Variants in RNF150 observed in about 807,000 individuals in gnomAD.
The protein encoded by RNF150 is ring finger protein 150.
Under a neutral mutation model 39.3 loss-of-function variants are expected in RNF150, and 24 were observed. The observed-to-expected ratio is 0.61, with a 90% confidence interval of 0.44 to 0.86. The LOEUF is 0.86. Among genes scored for constraint, RNF150 ranks in the 40% least tolerant of loss-of-function variants. RNF150 has a pLI of 0.00. For missense variants in RNF150, 502 were observed against 587.8 expected, an observed-to-expected ratio of 0.85 and a Z score of 1.51; for synonymous variants, 255 against 227.3, an observed-to-expected ratio of 1.12 and a Z score of -1.10.
Position 140,949,364 on chromosome 4 carries a change from C to A in RNF150, c.744G>T (p.Leu248=). 6.2e-7 allele frequency: 1 copy of A among 1,613,058 alleles called. No homozygotes were observed. Among genetic ancestry groups the A allele is most frequent in the South Asian group, 1.1e-5 (1 of 90,746 alleles). ...TGATGGCTTTCTTTGCTGCATCCCCCAGTCGGCGCTGAAAAGCCAAAACGT... is the reference window on the plus strand; with the variant it reads ...TGATGGCTTTCTTTGCTGCATCCCCAAGTCGGCGCTGAAAAGCCAAAACGT... The part of the protein sequence containing the change: ...ANARDRNQRR[L]GDAAKKAISK... The change falls in exon 3 of 7, where the codon CTG becomes CTT. Residue 248 remains leucine (L), a synonymous_variant. Transcript: ENST00000515673.
In RNF150 at chr4:141,081,350, A is replaced by G. The variant is rs147345446; in HGVS notation, c.484+50975T>C. On this transcript the variant is annotated intron_variant, in intron 1 of 6. Coordinates refer to ENST00000515673, the MANE Select transcript of RNF150 (RefSeq NM_020724.2). ...AAGAAAACACAGAAGAGAGCTTCTT[A>G]TGCTACTGATAGAGAGCAGGAAATA... is the stretch of plus-strand genomic sequence containing the variant. Among the ~76,000 whole-genome samples, 1,354 of 152,308 alleles carry G rather than the reference A, an allele frequency of 8.9e-3. 27 individuals are homozygous for G. Among genetic ancestry groups the G allele is most frequent in the African/African-American group, 0.031 (1,301 of 41,550 alleles).
chr4:140,906,071 T>A (rs1730361713), intron 6 of RNF150, among the ~76,000 whole-genome samples: 1 of 152,142 alleles, frequency 6.6e-6, no homozygotes. Context: ...TTTTGGGGTA[T>A]GTGTTTGCAA....
At position 140,865,784 on chromosome 4, in the gene RNF150, T is replaced by C. The variant is rs1234350829; in HGVS notation, c.*2477A>G. 1 of 152,602 alleles carries C rather than the reference T, an allele frequency of 6.6e-6. No homozygotes were observed. The highest frequency in any genetic ancestry group is 1.5e-5 in the Non-Finnish European group (1 of 68,032). The allele number at this position is 152,602 out of a possible 1,614,324, so 9.5% of individuals were successfully genotyped here. ...ATCAATTCCTGATTCACCTAGTTCT[T>C]GGCAGGAAGAGAAAATACTCGTTAA... On this transcript the variant is annotated 3_prime_UTR_variant, in exon 7 of 7. Transcript: ENST00000515673.
At chr4:140,938,739 C>T (rs1198656489) in intron 4 of RNF150, among the ~76,000 whole-genome samples, 1 of 152,148 alleles carries the variant, frequency 6.6e-6, no homozygotes, top group Non-Finnish European at 1.5e-5. Flanking sequence ...AATTGATTCC[C>T]TTACTATTTC....
At chr4:140,949,235 G>T in intron 3 of RNF150, 66 bp downstream of exon 3, 2 of 1,239,744 alleles carry the variant, frequency 1.6e-6, no homozygotes, top group Non-Finnish European at 2.3e-6. Flanking sequence ...TTCCACCCTG[G>T]CTATAAGAAA....
chr4:141,054,758 A>G (rs1736905802), intron 1 of RNF150, among the ~76,000 whole-genome samples: 1 of 152,192 alleles, frequency 6.6e-6, no homozygotes, highest in Non-Finnish European at 1.5e-5. Flanking sequence ...TATAAATCTA[A>G]TAAACAAGAA....
intron 1 of RNF150, among the ~76,000 whole-genome samples, chr4:141,194,147 A>T (rs1728159640): frequency 6.6e-6 from 1 of 152,244 alleles, no homozygotes; most frequent in Non-Finnish European, 1.5e-5. Flanking sequence ...CATCGATGGA[A>T]AAAATCTGAC....
chr4:141,093,728 A>G (rs563440935), intron 1 of RNF150, among the ~76,000 whole-genome samples: 1 of 152,356 alleles, frequency 6.6e-6, no homozygotes, highest in East Asian at 1.9e-4. Context: ...ATTCTCATGG[A>G]CAAAGTTCTA....
intron 1 of RNF150, among the ~76,000 whole-genome samples, chr4:141,128,129 C>T (rs946433062): frequency 2.0e-5 from 3 of 152,162 alleles, no homozygotes; most frequent in African/African-American, 7.2e-5. Context: ...CTGCCAGGAA[C>T]TCAGTGAGCC....
chr4:140,971,812 T>C (rs1242835981), intron 1 of RNF150, among the ~76,000 whole-genome samples: 1 of 152,182 alleles, frequency 6.6e-6, no homozygotes, highest in Non-Finnish European at 1.5e-5. Flanking sequence ...CCAGGTTGTT[T>C]AGACATTGTA....
intron 1 of RNF150, among the ~76,000 whole-genome samples, chr4:141,055,776 T>A (rs60908449): frequency 0.031 from 4,653 of 152,190 alleles, 256 homozygotes; most frequent in African/African-American, 0.1. Context: ...AGGGAGGCAA[T>A]ATTTGAAGTA....
At chr4:140,948,644 G>T (rs1732419759) in intron 3 of RNF150, among the ~76,000 whole-genome samples, 1 of 152,072 alleles carries the variant, frequency 6.6e-6, no homozygotes. Flanking sequence ...TTTCTACATT[G>T]CCCAGGCTGG....
intron 4 of RNF150, among the ~76,000 whole-genome samples, chr4:140,931,188 T>C (rs11944701): frequency 0.043 from 6,591 of 152,216 alleles, 228 homozygotes; most frequent in African/African-American, 0.089. Context: ...TTAATAGCAT[T>C]GTATTACATC....
chr4:140,885,960 A>G (rs61079774), intron 6 of RNF150, among the ~76,000 whole-genome samples: 68,264 of 151,818 alleles, frequency 0.45, 15,885 homozygotes, highest in African/African-American at 0.56. Context: ...GGAGGCCGAG[A>G]TGGGTGGATC....
At chr4:140,908,098 C>A (rs112407212) in intron 6 of RNF150, among the ~76,000 whole-genome samples, 2 of 152,190 alleles carry the variant, frequency 1.3e-5, no homozygotes, top group Non-Finnish European at 2.9e-5. Context: ...ACTACACTTA[C>A]GTGTATATCC....
At chr4:140,934,202 G>T (rs1388263904) in intron 4 of RNF150, among the ~76,000 whole-genome samples, 2 of 152,104 alleles carry the variant, frequency 1.3e-5, no homozygotes, top group Non-Finnish European at 2.9e-5. Flanking sequence ...TAGAGACAGG[G>T]TTTTGCCATG....
intron 1 of RNF150, among the ~76,000 whole-genome samples, chr4:141,110,830 A>C (rs1280054386): frequency 2.0e-5 from 3 of 152,070 alleles, no homozygotes; most frequent in Non-Finnish European, 2.9e-5. Flanking sequence ...ACAACTAGTA[A>C]CCTAAAAAAG....
intron 1 of RNF150, among the ~76,000 whole-genome samples, chr4:141,091,461 A>G (rs1458907466): frequency 1.3e-5 from 2 of 152,212 alleles, no homozygotes; most frequent in South Asian, 2.1e-4. Context: ...TCTGAGGTCC[A>G]AGGGCAGGAT....
chr4:140,916,573 A>T (rs1333762064), intron 5 of RNF150, among the ~76,000 whole-genome samples: 1 of 152,218 alleles, frequency 6.6e-6, no homozygotes, highest in African/African-American at 2.4e-5. Flanking sequence ...TAATTGGTGT[A>T]CCTGAAAGTG....
Sources: gnomAD v4.1 joint callset for allele counts (sites outside exome capture counted in the v4.1 genomes callset) on GRCh38, gnomAD v4.1.1 for gene constraint, MANE v1.5 for transcripts, NCBI Gene and HGNC (gene_info 2026-07-23, HGNC 2026-07-21) for gene names.